Variants in RPTOR observed in about 807,000 individuals in gnomAD.
The protein encoded by RPTOR is regulatory associated protein of MTOR complex 1, also known as regulatory-associated protein of mTOR.
Under a neutral mutation model 169.9 loss-of-function variants are expected in RPTOR, and 21 were observed. The ratio of observed to expected loss-of-function variants is 0.12; its 90% CI spans 0.09 to 0.18. The LOEUF is 0.18. Ranked by LOEUF, RPTOR falls within the 10% of genes least tolerant of loss-of-function variation. RPTOR has a pLI of 1.00. For synonymous variants in RPTOR, 732 were observed against 753.2 expected (o/e 0.97, Z 0.46); for missense variants, 1,133 against 1,855.9 (o/e 0.61, Z 7.16).
chr17:80,960,155 C>T lies in RPTOR; in HGVS notation c.3555C>T (p.Leu1185=), dbSNP rs745638647. 6.8e-6 allele frequency: 11 copies of T among 1,613,490 alleles called. No individual in the cohort carries two copies. Among genetic ancestry groups the T allele is most frequent in the South Asian group, 3.3e-5 (3 of 91,090 alleles). ...DSHRSLIVAG[L]GDGSIRVYDR... Reference sequence around the variant, plus strand: ...ACCGCTCACTCATCGTGGCTGGCCTCGGTGACGGCTCCATCCGCGTCTACG... The same window carrying T: ...ACCGCTCACTCATCGTGGCTGGCCTTGGTGACGGCTCCATCCGCGTCTACG... The change falls in exon 30 of 34, where the codon CTC becomes CTT. Residue 1185 remains leucine (L), a synonymous_variant. Transcript: ENST00000306801. The surrounding 1 kb of genome is among the most constrained non-coding windows in gnomAD (Gnocchi z 4.8).
At chr17:80,940,737 C>T (rs1325093666) in intron 25 of RPTOR, 136 bp downstream of exon 25, 21 of 643,032 alleles carry the variant, frequency 3.3e-5, no homozygotes, top group African/African-American at 5.5e-5. Context: ...AGACCCGCCC[C>T]GCACCCCACC....
At chr17:80,880,182 G>A (rs895509336) in intron 13 of RPTOR, among the ~76,000 whole-genome samples, 3 of 152,168 alleles carry the variant, frequency 2.0e-5, no homozygotes, top group Admixed American at 6.5e-5. Flanking sequence ...GAAAGAAAAC[G>A]TCTGGGAGCT....
chr17:80,908,595 C>A (rs980696337), intron 20 of RPTOR, among the ~76,000 whole-genome samples: 5 of 152,170 alleles, frequency 3.3e-5, no homozygotes, highest in African/African-American at 1.2e-4. Flanking sequence ...GATTTGGCCT[C>A]AGTAGATGAA....
intron 1 of RPTOR, among the ~76,000 whole-genome samples, chr17:80,619,478 C>A (rs1250185035): frequency 2.0e-5 from 3 of 152,138 alleles, no homozygotes; most frequent in Non-Finnish European, 2.9e-5. Flanking sequence ...GCTTTGAATT[C>A]TTTGGGAGGT....
At chr17:80,574,723 A>G (rs961147436) in intron 1 of RPTOR, among the ~76,000 whole-genome samples, 1 of 151,556 alleles carries the variant, frequency 6.6e-6, no homozygotes, top group Non-Finnish European at 1.5e-5. Flanking sequence ...TGGTGCGATC[A>G]TGGCTCACTG....
intron 13 of RPTOR, among the ~76,000 whole-genome samples, chr17:80,867,587 T>C (rs2068007288): frequency 6.6e-6 from 1 of 152,230 alleles, no homozygotes; most frequent in South Asian, 2.1e-4. Context: ...GAGGTTTAAC[T>C]GTATTTTCAG....
chr17:80,711,751 T>TTTTTTTTTTTTTTTTTTG (rs2066193978), intron 4 of RPTOR, among the ~76,000 whole-genome samples: 1 of 136,962 alleles, frequency 7.3e-6, no homozygotes, highest in Non-Finnish European at 1.6e-5. Context: ...AGTCTTTTTT[T>TTTTTTTTTTTTTTTTTTG]TTTTTTTTTG....
intron 3 of RPTOR, among the ~76,000 whole-genome samples, chr17:80,689,099 A>T (rs1241939593): frequency 2.6e-5 from 4 of 152,218 alleles, no homozygotes; most frequent in Non-Finnish European, 5.9e-5. Flanking sequence ...TGTTTTAAAC[A>T]TTTATCAAAC....
rs150907171 is a variant in RPTOR at position 80,854,690 on chromosome 17, C to G, written c.1315-774C>G. 5.9e-5 allele frequency among the ~76,000 whole-genome samples: 9 copies of G among 152,332 alleles called. No individual in the cohort carries two copies. In the East Asian group the frequency reaches 1.7e-3, roughly 29 times the overall value. ...GGGAGGGTTGCTTGAGCCAGAAGTT[C>G]AAGACCTGCATGGGCAATGTAGTGA... On this transcript the variant is annotated intron_variant, in intron 11 of 33. Coordinates refer to ENST00000306801, the MANE Select transcript of RPTOR (RefSeq NM_020761.3).
At chr17:80,711,826 G>T (rs12951739) in intron 4 of RPTOR, among the ~76,000 whole-genome samples, 60,038 of 145,820 alleles carry the variant, frequency 0.41, 12,792 homozygotes, top group East Asian at 0.57. Flanking sequence ...TCACTGCAGC[G>T]TCCGCCTCCT....
chr17:80,757,632 G>C (rs997192340), intron 6 of RPTOR, among the ~76,000 whole-genome samples: 1 of 152,060 alleles, frequency 6.6e-6, no homozygotes, highest in Non-Finnish European at 1.5e-5. Flanking sequence ...TATTTGGGGG[G>C]TCCATGCAAT....
intron 10 of RPTOR, 79 bp from the exon 11 acceptor site, chr17:80,846,394 C>CG (rs2067730791): frequency 7.1e-7 from 1 of 1,408,852 alleles, no homozygotes; most frequent in Admixed American, 1.7e-5. Flanking sequence ...CTTGGATGCC[C>CG]GGCAGGTGGC....
At chr17:80,752,258 T>C (rs993993681) in intron 5 of RPTOR, among the ~76,000 whole-genome samples, 2 of 152,300 alleles carry the variant, frequency 1.3e-5, no homozygotes, top group Admixed American at 6.5e-5. Flanking sequence ...CCAGCCTTGA[T>C]GATAGTGCAG....
chr17:80,634,044 A>C (rs1485074033), intron 2 of RPTOR, among the ~76,000 whole-genome samples: 1 of 151,210 alleles, frequency 6.6e-6, no homozygotes, highest in East Asian at 1.9e-4. Context: ...TGGACAGAGC[A>C]AGGAAATGCA....
At chr17:80,703,459 T>C (rs2066118342) in intron 3 of RPTOR, among the ~76,000 whole-genome samples, 1 of 152,184 alleles carries the variant, frequency 6.6e-6, no homozygotes, top group Non-Finnish European at 1.5e-5. Context: ...CAGTGGACGT[T>C]CCTGATAAAC....
intron 6 of RPTOR, among the ~76,000 whole-genome samples, chr17:80,764,262 T>G (rs2066764735): frequency 6.6e-6 from 1 of 150,730 alleles, no homozygotes; most frequent in Non-Finnish European, 1.5e-5. Context: ...GCTGCACCCA[T>G]TAACTCGTCA....
chr17:80,804,125 T>C (rs1421405265), intron 7 of RPTOR, among the ~76,000 whole-genome samples: 1 of 152,210 alleles, frequency 6.6e-6, no homozygotes, highest in Non-Finnish European at 1.5e-5. Context: ...ACTTAGGAGC[T>C]TGATGGCTAC....
intron 13 of RPTOR, chr17:80,858,182 G>A: frequency 2.2e-6 from 1 of 462,194 alleles, no homozygotes; most frequent in Non-Finnish European, 4.0e-6. Context: ...CTGGTGCCCT[G>A]CACTCAGTCC....
chr17:80,687,467 C>T (rs958405416), intron 3 of RPTOR, among the ~76,000 whole-genome samples: 3 of 152,198 alleles, frequency 2.0e-5, no homozygotes, highest in Non-Finnish European at 4.4e-5. Flanking sequence ...CTGTATCTAT[C>T]TGTGTCCAGG....
Sources: allele counts gnomAD v4.1 joint callset (sites outside exome capture counted in the v4.1 genomes callset), GRCh38; gene constraint gnomAD v4.1.1; non-coding constraint Gnocchi (gnomAD v3.1); transcripts MANE v1.5; gene names NCBI Gene and HGNC (gene_info 2026-07-23, HGNC 2026-07-21).